GLIS3: variants seen among roughly 807,000 people sequenced by gnomAD.
The protein encoded by GLIS3 is GLIS family zinc finger 3, also known as zinc finger protein GLIS3.
GLIS3 carries 53 observed loss-of-function variants against 78.6 expected under a neutral mutation model. The observed-to-expected ratio is 0.67, with a 90% CI of 0.54 to 0.85. The LOEUF is 0.85. GLIS3 is among the 40% of genes least tolerant of loss of function. The pLI, the probability that GLIS3 is intolerant of heterozygous loss-of-function variation, is 0.00. For missense variants in GLIS3, 1,703 were observed against 1,231.1 expected (o/e 1.38, Z -5.74); for synonymous variants, 684 against 509.9 (o/e 1.34, Z -4.60).
intron 9 of GLIS3, among the ~76,000 whole-genome samples, chr9:3,844,588 C>T (rs559319331): frequency 1.8e-4 from 28 of 152,194 alleles, no homozygotes; most frequent in African/African-American, 5.5e-4. Context: ...AGTTGACTGA[C>T]GAAGTCATGA....
intron 7 of GLIS3, among the ~76,000 whole-genome samples, chr9:3,891,915 C>T (rs972729421): frequency 1.3e-5 from 2 of 152,140 alleles, no homozygotes; most frequent in African/African-American, 4.8e-5. Context: ...GGAGCAAATT[C>T]CTATGCACGT....
intron 7 of GLIS3, among the ~76,000 whole-genome samples, chr9:3,890,730 T>TA (rs1041975734): frequency 6.6e-6 from 1 of 151,454 alleles, no homozygotes; most frequent in Non-Finnish European, 1.5e-5. Flanking sequence ...ACGCTGTCTC[T>TA]AAAAAACAAA....
At chr9:4,419,992 G>A in the GLIS3 span, among the ~76,000 whole-genome samples, 54 of 152,282 alleles carry the variant, frequency 3.5e-4, no homozygotes, top group African/African-American at 1.2e-3. Context: ...GTTGAGCACC[G>A]TCTACAGGGA....
At chr9:4,487,688 CTT>C in the GLIS3 span, among the ~76,000 whole-genome samples, 1,937 of 146,496 alleles carry the variant, frequency 0.013, 44 homozygotes, top group African/African-American at 0.046. Flanking sequence ...ATGGTCAACA[CTT>C]TTTTTTTTTT....
At chr9:4,171,300 C>A (rs1816353531) in intron 2 of GLIS3, among the ~76,000 whole-genome samples, 3 of 152,042 alleles carry the variant, frequency 2.0e-5, no homozygotes, top group African/African-American at 7.2e-5. Flanking sequence ...TTAAGTTAAG[C>A]CTTCAAAAAT....
In GLIS3 at chr9:3,940,619, A is replaced by G. The variant is rs746048950; in HGVS notation, c.1711-3430T>C. On this transcript the variant is annotated intron_variant, in intron 4 of 10. Coordinates refer to ENST00000381971, the MANE Select transcript of GLIS3 (RefSeq NM_001042413.2). ...TTTGCCCGAGGTTCAAAAACAGACT[A>G]CATACAGGAAAACAAGAGAAACGTG... 3.9e-5 allele frequency among the ~76,000 whole-genome samples: 6 copies of G among 152,322 alleles called. No individual in the cohort carries two copies. In the Middle Eastern group the frequency reaches 0.01, roughly 259 times the overall value.
Position 4,156,752 on chromosome 9 carries a change from G to A in GLIS3, c.389-30811C>T, listed in dbSNP as rs143648303. Among the ~76,000 whole-genome samples the A allele has an allele frequency of 5.3e-4, 81 of 152,186 alleles. 1 individual carries two copies. The East Asian group carries it at 0.014, about 27-fold the overall frequency. ...AAGTTTCATGCCCTTATCTGATGAG[G>A]AGGACCCTGGATATGCTGAAGAACA... is the stretch of plus-strand genomic sequence containing the variant. On this transcript the variant is annotated intron_variant, in intron 2 of 10. Transcript: ENST00000381971.
the GLIS3 span, among the ~76,000 whole-genome samples, chr9:4,399,031 T>C: frequency 6.6e-6 from 1 of 152,200 alleles, no homozygotes. Flanking sequence ...TGCTTTCATA[T>C]ATTTTATGCT....
chr9:4,171,919 T>C (rs1816406751), intron 2 of GLIS3, among the ~76,000 whole-genome samples: 1 of 152,150 alleles, frequency 6.6e-6, no homozygotes, highest in Non-Finnish European at 1.5e-5. Context: ...TAAGCAAAGG[T>C]CGAAAAGTGG....
chr9:4,367,218 T>TC, the GLIS3 span, among the ~76,000 whole-genome samples: 1 of 152,192 alleles, frequency 6.6e-6, no homozygotes, highest in Non-Finnish European at 1.5e-5. Flanking sequence ...CTGCCCACTC[T>TC]CCAGCTTCAT....
chr9:3,931,332 C>T (rs1825598517), intron 6 of GLIS3, among the ~76,000 whole-genome samples: 1 of 152,084 alleles, frequency 6.6e-6, no homozygotes, highest in Non-Finnish European at 1.5e-5. Context: ...CATTTCCCAA[C>T]ATAAAAGTGT....
chr9:4,228,533 CTAAG>C (rs991722541), intron 2 of GLIS3, among the ~76,000 whole-genome samples: 12 of 152,176 alleles, frequency 7.9e-5, no homozygotes, highest in African/African-American at 2.9e-4. Context: ...CATGTATTAA[CTAAG>C]TGTCTGGTCT....
At chr9:4,225,267 C>G (rs910000616) in intron 2 of GLIS3, among the ~76,000 whole-genome samples, 2 of 152,034 alleles carry the variant, frequency 1.3e-5, no homozygotes, top group Non-Finnish European at 2.9e-5. Flanking sequence ...AAAATTTTGG[C>G]CTAGGACCTG....
chr9:4,274,551 G>C (rs1197413290), intron 2 of GLIS3, among the ~76,000 whole-genome samples: 2 of 152,174 alleles, frequency 1.3e-5, no homozygotes, highest in African/African-American at 2.4e-5. Context: ...ATGAATATTG[G>C]GTGGAAGTGG....
chr9:4,050,409 T>G (rs144827037), intron 4 of GLIS3, among the ~76,000 whole-genome samples: 4,935 of 152,028 alleles, frequency 0.032, 137 homozygotes, highest in African/African-American at 0.053. Context: ...AGAACACTTG[T>G]ACACAGGGCG....
intron 4 of GLIS3, among the ~76,000 whole-genome samples, chr9:3,999,541 T>C (rs1419465427): frequency 6.6e-6 from 1 of 151,860 alleles, no homozygotes; most frequent in Admixed American, 6.6e-5. Context: ...TGGGGGGAAA[T>C]ACTAACAAAA....
At chr9:4,207,809 C>A (rs960580195) in intron 2 of GLIS3, among the ~76,000 whole-genome samples, 16 of 152,188 alleles carry the variant, frequency 1.1e-4, no homozygotes, top group Admixed American at 2.0e-4. Flanking sequence ...CACCTCACTT[C>A]CTCCAAACAG....
intron 2 of GLIS3, among the ~76,000 whole-genome samples, chr9:4,243,825 T>A (rs149423030): frequency 8.5e-5 from 13 of 152,288 alleles, no homozygotes; most frequent in Non-Finnish European, 1.6e-4. Flanking sequence ...ATGATTTACA[T>A]TAGGAAGTAA....
intron 2 of GLIS3, among the ~76,000 whole-genome samples, chr9:4,129,496 T>C (rs1009791234): frequency 5.3e-5 from 8 of 152,052 alleles, no homozygotes; most frequent in African/African-American, 1.9e-4. Context: ...GCTGTTTTCA[T>C]GATAAGTGTT....
Sources: gnomAD v4.1 joint callset for allele counts (sites outside exome capture counted in the v4.1 genomes callset) on GRCh38, gnomAD v4.1.1 for gene constraint, MANE v1.5 for transcripts, NCBI Gene and HGNC (gene_info 2026-07-23, HGNC 2026-07-21) for gene names.